Variants in IFI27L1 observed in about 807,000 individuals in gnomAD.
The protein encoded by IFI27L1 is interferon alpha inducible protein 27 like 1.
IFI27L1 carries 3 observed loss-of-function variants against 9.2 expected under a neutral mutation model. The observed-to-expected ratio is 0.32, with a 90% CI of 0.15 to 0.84. The LOEUF is 0.84. IFI27L1 is among the 40% of genes least tolerant of loss of function. The probability of loss-of-function intolerance (pLI) is 0.56; values close to 1 mark genes in which losing one functional copy is unlikely to be tolerated. For synonymous variants in IFI27L1, 53 were observed against 50.0 expected, an observed-to-expected ratio of 1.06 and a Z score of -0.26; for missense variants, 133 against 134.2, an observed-to-expected ratio of 0.99 and a Z score of 0.05.
At chr14:94,096,674 A>G (rs1379298005) in intron 1 of IFI27L1, among the ~76,000 whole-genome samples, 2 of 146,832 alleles carry the variant, frequency 1.4e-5, no homozygotes, top group East Asian at 4.0e-4. Context: ...AGCCTGGGTG[A>G]CAGAGCGAGA....
intron 2 of IFI27L1, among the ~76,000 whole-genome samples, chr14:94,098,280 C>T (rs1005283542): frequency 1.3e-5 from 2 of 152,228 alleles, no homozygotes; most frequent in African/African-American, 4.8e-5. Context: ...TTCCATGCCA[C>T]TCCCTAGTTT....
At chr14:94,087,681 C>G (rs1442568916) in intron 1 of IFI27L1, among the ~76,000 whole-genome samples, 3 of 151,940 alleles carry the variant, frequency 2.0e-5, no homozygotes, top group Non-Finnish European at 2.9e-5. Flanking sequence ...CCGCCTCGGC[C>G]TCCCAAAGTG....
At chr14:94,085,672 T>C (rs1288120049) in intron 1 of IFI27L1, among the ~76,000 whole-genome samples, 8 of 152,114 alleles carry the variant, frequency 5.3e-5, no homozygotes, top group African/African-American at 1.9e-4. Context: ...GAGGTATAAT[T>C]AGTGTACAAT....
chr14:94,092,978 C>T (rs1160742228), intron 1 of IFI27L1, among the ~76,000 whole-genome samples: 1 of 152,074 alleles, frequency 6.6e-6, no homozygotes, highest in Admixed American at 6.5e-5. Context: ...ACTACAGGCG[C>T]ACACCACCAT....
At chr14:94,099,158 T>C (rs1886791863) in intron 2 of IFI27L1, among the ~76,000 whole-genome samples, 1 of 152,036 alleles carries the variant, frequency 6.6e-6, no homozygotes, top group South Asian at 2.1e-4. Context: ...GAGCATGACT[T>C]GGAGTAGGAA....
chr14:94,093,167 C>CTTTCT (rs1886542062), intron 1 of IFI27L1, among the ~76,000 whole-genome samples: 1 of 125,472 alleles, frequency 8.0e-6, no homozygotes, highest in African/African-American at 3.1e-5. Flanking sequence ...CATTTCTTTT[C>CTTTCT]TTTTTTTTTT....
chr14:94,099,607 T>C (rs1886817139), intron 2 of IFI27L1, among the ~76,000 whole-genome samples: 1 of 152,134 alleles, frequency 6.6e-6, no homozygotes, highest in South Asian at 2.1e-4. Flanking sequence ...GACTCCTGGA[T>C]TGTGGACTTC....
At chr14:94,102,353 G>A in intron 4 of IFI27L1, 124 bp from the exon 5 acceptor site, 1 of 610,338 alleles carries the variant, frequency 1.6e-6, no homozygotes, top group Non-Finnish European at 2.9e-6. Context: ...AGCAGAGGTG[G>A]GGAACAGGGT....
chr14:94,082,321 T>C (rs1886136124), intron 1 of IFI27L1, among the ~76,000 whole-genome samples: 1 of 151,590 alleles, frequency 6.6e-6, no homozygotes, highest in South Asian at 2.1e-4. Flanking sequence ...TTTCATGAGG[T>C]TTAAGGAAAG....
chr14:94,082,251 T>C lies in IFI27L1; in HGVS notation c.-52+802T>C, dbSNP rs1410153333. Among the ~76,000 whole-genome samples, 6 of 151,688 alleles carry C rather than the reference T, an allele frequency of 4.0e-5. 1 individual carries two copies. Among genetic ancestry groups the C allele is most frequent in the African/African-American group, 1.5e-4 (6 of 40,948 alleles). Reference sequence around the variant, plus strand: ...CCAAAGCAAGGCCCTGATTCTCTTCTATTCTATGATGACTGAGAGAGGTGA... The same window carrying C: ...CCAAAGCAAGGCCCTGATTCTCTTCCATTCTATGATGACTGAGAGAGGTGA... On this transcript the variant is annotated intron_variant, in intron 1 of 4. Coordinates refer to ENST00000555523, the MANE Select transcript of IFI27L1 (RefSeq NM_206949.3).
At chr14:94,099,441 T>C (rs1886809560) in intron 2 of IFI27L1, among the ~76,000 whole-genome samples, 2 of 151,964 alleles carry the variant, frequency 1.3e-5, no homozygotes, top group South Asian at 2.1e-4. Context: ...TTGCATAATC[T>C]CAGAGAGCGG....
At position 94,101,868 on chromosome 14, in the gene IFI27L1, T is replaced by C. The variant is rs1252214379; in HGVS notation, c.116T>C (p.Val39Ala). Residue 39 changes from valine to alanine, a missense_variant, in exon 4 of 5, where the codon GTA becomes GCA. Transcript: ENST00000555523. ...VALSAMGFTS[V>A]GIAASSIAAK... is the part of the protein sequence containing the mutation. Reference sequence around the variant, plus strand: ...CTCAGTGCCATGGGCTTCACCTCAGTAGGAATCGCCGCATCCTCCATAGCA... The same window carrying C: ...CTCAGTGCCATGGGCTTCACCTCAGCAGGAATCGCCGCATCCTCCATAGCA... 1.2e-6 allele frequency: 2 copies of C among 1,614,200 alleles called. No homozygotes were observed.
intron 1 of IFI27L1, among the ~76,000 whole-genome samples, chr14:94,084,253 G>A (rs1280320206): frequency 6.6e-6 from 1 of 152,180 alleles, no homozygotes; most frequent in Non-Finnish European, 1.5e-5. Flanking sequence ...TGTAATTCCA[G>A]CACTTTGGGA....
chr14:94,096,772 T>A lies in IFI27L1; in HGVS notation c.-51-115T>A. ...AAGTGGGTTTACGGGATTATATGTT[T>A]TATATGATAATTCTATTTTTAATGT... On this transcript the variant is annotated intron_variant, in intron 1 of 4. Transcript: ENST00000555523. 5.1e-6 allele frequency: 3 copies of A among 588,238 alleles called. No homozygotes were observed. In the Admixed American group the frequency reaches 8.7e-5, roughly 17 times the overall value. 36.4% of individuals were successfully genotyped at this position (588,238 alleles called of 1,614,324 possible). A position where few individuals can be genotyped will look rare whatever the true frequency, so the allele number is the denominator to read the frequency against.
At chr14:94,101,309 A>G (rs1886886433) in intron 3 of IFI27L1, 1 of 218,084 alleles carries the variant, frequency 4.6e-6, no homozygotes, top group East Asian at 1.1e-4. Context: ...ACAGTACAGA[A>G]AACAAATGTG....
In IFI27L1 at chr14:94,100,770, A is replaced by T; in HGVS notation, c.60A>T (p.Gly20=). ...CTGCTGTAGCAGCTGTGGTCGGAGGAGGTGAGTCTCTATGGGAAGGAACTC... is the reference window on the plus strand; with the variant it reads ...CTGCTGTAGCAGCTGTGGTCGGAGGTGGTGAGTCTCTATGGGAAGGAACTC... ...GRAAVAAVVG[G]VVAVGTVLVA... is the part of the protein sequence containing the mutation. The change falls in exon 3 of 5, where the codon GGA becomes GGT. Residue 20 remains glycine, a splice_region_variant and synonymous_variant. Transcript: ENST00000555523. 1 of 1,613,518 alleles carries T rather than the reference A, an allele frequency of 6.2e-7. No individual in the cohort carries two copies. Among genetic ancestry groups the T allele is most frequent in the Non-Finnish European group, 8.5e-7 (1 of 1,179,894 alleles).
intron 1 of IFI27L1, among the ~76,000 whole-genome samples, chr14:94,083,025 G>T (rs981002384): frequency 3.9e-5 from 6 of 152,210 alleles, no homozygotes; most frequent in African/African-American, 1.4e-4. Flanking sequence ...TCTGGAAAGG[G>T]TTCACTATTT....
At chr14:94,087,031 C>G (rs1039149984) in intron 1 of IFI27L1, among the ~76,000 whole-genome samples, 2 of 152,018 alleles carry the variant, frequency 1.3e-5, no homozygotes, top group Middle Eastern at 3.4e-3. Flanking sequence ...TGTACATATT[C>G]AAGGATGTAA....
rs903688420 is a variant in IFI27L1 at position 94,089,647 on chromosome 14, G to C, written c.-51-7240G>C. ...GTGACTAAGAATGCGTAACCTCCTGGGAATGCAGCCTAGTAGGTCTCAGCC... is the reference window on the plus strand; with the variant it reads ...GTGACTAAGAATGCGTAACCTCCTGCGAATGCAGCCTAGTAGGTCTCAGCC... On this transcript the variant is annotated intron_variant, in intron 1 of 4. Transcript: ENST00000555523. Among the ~76,000 whole-genome samples, 3 of 152,014 alleles carry C rather than the reference G, an allele frequency of 2.0e-5. No individual in the cohort carries two copies. The South Asian group carries it at 6.2e-4, about 32-fold the overall frequency.
Sources: allele counts gnomAD v4.1 joint callset (sites outside exome capture counted in the v4.1 genomes callset), GRCh38; gene constraint gnomAD v4.1.1; transcripts MANE v1.5; gene names NCBI Gene and HGNC (gene_info 2026-07-23, HGNC 2026-07-21).